IGFBP5: variants seen among roughly 807,000 people sequenced by gnomAD.
IGFBP5 encodes insulin like growth factor binding protein 5.
Under a neutral mutation model 28.0 loss-of-function variants are expected in IGFBP5, and 12 were observed. That is an observed-to-expected ratio of 0.43 (90% CI 0.27 to 0.69). The LOEUF is 0.69. Among genes scored for constraint, IGFBP5 ranks in the 30% least tolerant of loss-of-function variants. The pLI is 0.20. For synonymous variants in IGFBP5, 152 were observed against 150.2 expected, an observed-to-expected ratio of 1.01 and a Z score of -0.09; for missense variants, 344 against 381.6, an observed-to-expected ratio of 0.90 and a Z score of 0.82.
At chr2:216,678,058 G>A in intron 3 of IGFBP5, 54 bp downstream of exon 3, 2 of 1,364,778 alleles carry the variant, frequency 1.5e-6, no homozygotes, top group Non-Finnish European at 1.9e-6. Flanking sequence ...GAGTTTCCTG[G>A]CAGGTGCCAT....
intron 1 of IGFBP5, among the ~76,000 whole-genome samples, chr2:216,685,238 G>A (rs1362633060): frequency 2.7e-5 from 4 of 149,680 alleles, no homozygotes; most frequent in African/African-American, 9.9e-5. Flanking sequence ...CCAAGATCGT[G>A]CCACTACATT....
chr2:216,676,924 C>T, intron 3 of IGFBP5, 42 bp from the exon 4 acceptor site: 1 of 1,605,898 alleles, frequency 6.2e-7, no homozygotes, highest in Non-Finnish European at 8.5e-7. Flanking sequence ...CGGCCGCACC[C>T]CAGGGCTCTG....
At chr2:216,685,807 C>A (rs771703738) in intron 1 of IGFBP5, among the ~76,000 whole-genome samples, 4 of 152,132 alleles carry the variant, frequency 2.6e-5, no homozygotes, top group Non-Finnish European at 4.4e-5. Flanking sequence ...AACATCATTT[C>A]TTTTCCTACC....
intron 1 of IGFBP5, among the ~76,000 whole-genome samples, chr2:216,693,695 AC>A (rs1021265572): frequency 6.7e-6 from 1 of 148,484 alleles, no homozygotes; most frequent in African/African-American, 2.5e-5. Context: ...CCCACCCCGC[AC>A]CCCCGCACTC....
At chr2:216,677,185 TGCCTCA>T (rs971165193) in intron 3 of IGFBP5, among the ~76,000 whole-genome samples, 2 of 152,062 alleles carry the variant, frequency 1.3e-5, no homozygotes, top group Middle Eastern at 3.2e-3. Flanking sequence ...GTGATCTTCC[TGCCTCA>T]GCCTCTGGAG....
At chr2:216,690,083 C>T (rs188623034) in intron 1 of IGFBP5, among the ~76,000 whole-genome samples, 51 of 152,200 alleles carry the variant, frequency 3.4e-4, no homozygotes, top group East Asian at 1.7e-3. Context: ...GGAGTAGAAG[C>T]CTACACTGCC....
At position 216,678,887 on chromosome 2, in the gene IGFBP5, A is replaced by G; in HGVS notation, c.530T>C (p.Ile177Thr). ...CTGTCTCATCTCAGGTGCAGAGATG[A>G]TCCGGGGGTGGGCAGTGTTCTCGGC... ...GGAENTAHPRIISAPEMRQES... is the reference protein window; with the variant it reads ...GGAENTAHPRTISAPEMRQES... The change falls in exon 2 of 4, where the codon ATC (isoleucine) becomes ACC (threonine). Residue 177 changes from isoleucine (I) to threonine (T), a missense_variant. Physicochemically the swap from Ile to Thr is moderately conservative, Grantham distance 89. Coordinates refer to ENST00000233813, the MANE Select transcript of IGFBP5 (RefSeq NM_000599.4). 1 of 1,614,140 alleles carries G rather than the reference A, an allele frequency of 6.2e-7. No homozygotes were observed. Among genetic ancestry groups the G allele is most frequent in the South Asian group, 1.1e-5 (1 of 91,070 alleles).
chr2:216,685,271 A>C (rs940873612), intron 1 of IGFBP5, among the ~76,000 whole-genome samples: 56 of 117,836 alleles, frequency 4.8e-4, no homozygotes, highest in Non-Finnish European at 6.6e-4. Flanking sequence ...ATAGTGTGAC[A>C]AAAAAAAAAA....
intron 1 of IGFBP5, among the ~76,000 whole-genome samples, chr2:216,681,513 C>G (rs1034940535): frequency 1.3e-5 from 2 of 152,138 alleles, no homozygotes; most frequent in Non-Finnish European, 2.9e-5. Flanking sequence ...GGGGAGACAG[C>G]CTGGGAAGCT....
At position 216,692,090 on chromosome 2, in the gene IGFBP5, T is replaced by C. The variant is rs866705057; in HGVS notation, c.337+2349A>G. Among the ~76,000 whole-genome samples the C allele has an allele frequency of 6.6e-6, 1 of 152,102 alleles. No homozygotes were observed. Among genetic ancestry groups the C allele is most frequent in the Non-Finnish European group, 1.5e-5 (1 of 68,016 alleles). ...AACTTTTTGGGGACCCGCCCAGTGG[T>C]TGTCCGGCTAAAACGCCCTTTCCAG... On this transcript the variant is annotated intron_variant, in intron 1 of 3. Coordinates refer to ENST00000233813, the MANE Select transcript of IGFBP5 (RefSeq NM_000599.4). The surrounding 1 kb of genome is among the most constrained non-coding windows in gnomAD (Gnocchi z 4.2).
At position 216,676,719 on chromosome 2, in the gene IGFBP5, A is replaced by T; in HGVS notation, c.*32T>A. 1 of 1,011,222 alleles carries T rather than the reference A, an allele frequency of 9.9e-7. No individual in the cohort carries two copies. The highest frequency in any genetic ancestry group is 1.3e-6 in the Non-Finnish European group (1 of 776,272). The allele number at this position is 1,011,222 out of a possible 1,614,324, so 62.6% of individuals were successfully genotyped here. A position where few individuals can be genotyped will look rare whatever the true frequency, so the allele number is the denominator to read the frequency against. ...GGCTGGAGTCGGGGCTGGGGGTGGG[A>T]GGGGGTGAGGGAAAGGTTGGGGGGG... On this transcript the variant is annotated 3_prime_UTR_variant, in exon 4 of 4. Transcript: ENST00000233813.
At position 216,673,043 on chromosome 2, in the gene IGFBP5, T is replaced by G. The variant is rs2106214381; in HGVS notation, c.*3708A>C. 1 of 152,652 alleles carries G rather than the reference T, an allele frequency of 6.6e-6. No homozygotes were observed. The highest frequency in any genetic ancestry group is 2.4e-5 in the African/African-American group (1 of 41,572). The allele number at this position is 152,652 out of a possible 1,614,324, so 9.5% of individuals were successfully genotyped here. The stretch of plus-strand genomic sequence containing the variant: ...ACATATCCTCTCTGACGCTATGGGG[T>G]TTCTTCTCCTTAGAGCTCTTCTCTG... On this transcript the variant is annotated 3_prime_UTR_variant, in exon 4 of 4. Transcript: ENST00000233813. The surrounding 1 kb of genome is among the most constrained non-coding windows in gnomAD (Gnocchi z 4.3).
At chr2:216,684,050 A>G (rs2106221177) in intron 1 of IGFBP5, among the ~76,000 whole-genome samples, 1 of 152,226 alleles carries the variant, frequency 6.6e-6, no homozygotes, top group East Asian at 1.9e-4. Flanking sequence ...ACCATCCTCT[A>G]TGTCCTGGCA....
In IGFBP5 at chr2:216,678,228, G is replaced by A; in HGVS notation, c.571C>T (p.Pro191Ser). 1.3e-6 allele frequency: 2 copies of A among 1,563,968 alleles called. No homozygotes were observed. The highest frequency in any genetic ancestry group is 1.8e-5 in the Admixed American group (1 of 54,468). The change falls in exon 3 of 4, where the codon CCC becomes TCC. Residue 191 changes from proline (P) to serine (S), a missense_variant. Pro to Ser is a moderately conservative substitution (Grantham distance 74, BLOSUM62 -1). Transcript: ENST00000233813. ...GAAGCCTCCATGTGTCTGCGGCAGG[G>A]GCCCTGTGTGGACAGGAGGGTGAGA... is the stretch of plus-strand genomic sequence containing the variant. ...PEMRQESEQGPCRRHMEASLQ... is the reference protein window; with the variant it reads ...PEMRQESEQGSCRRHMEASLQ...
chr2:216,680,163 A>G (rs1258679558), intron 1 of IGFBP5, among the ~76,000 whole-genome samples: 1 of 152,072 alleles, frequency 6.6e-6, no homozygotes, highest in Non-Finnish European at 1.5e-5. Context: ...GATGCCTCAC[A>G]GTGGGACCAG....
In IGFBP5 at chr2:216,694,620, G is replaced by T. The variant is rs1689145184; in HGVS notation, c.156C>A (p.Gly52=). 1.3e-6 allele frequency: 2 copies of T among 1,539,144 alleles called. No individual in the cohort carries two copies. ...GGGCGCAGGTCATGCAGCAGCCGCA[G>T]CCCGGCTCCTTGACCAGCTCGCAGC... The part of the protein sequence containing the change: ...PLGCELVKEP[G]CGCCMTCALA... The change falls in exon 1 of 4, where the codon GGC becomes GGA. Residue 52 remains glycine (G), a synonymous_variant. Transcript: ENST00000233813. The surrounding 1 kb of genome is among the most constrained non-coding windows in gnomAD (Gnocchi z 5.2).
rs11575194 is a variant in IGFBP5, at chr2:216,679,005, G to A, written c.412C>T (p.Arg138Trp). 57,427 of 1,614,042 alleles carry A rather than the reference G, an allele frequency of 0.036. 1,253 individuals carry two copies. Among genetic ancestry groups the A allele is most frequent in the Non-Finnish European group, 0.043 (51,216 of 1,179,978 alleles). ...AEETYSPKIF[R>W]PKHTRISELK... is the part of the protein sequence containing the mutation. ...TCGGAGATGCGGGTGTGTTTGGGCC[G>A]GAAGATCTTGGGGGAGTAGGTCTCC... The change falls in exon 2 of 4, where the codon CGG becomes TGG. Residue 138 changes from arginine (R) to tryptophan (W), a missense_variant. Transcript: ENST00000233813. This position sits in a 1 kb window ranked among gnomAD's most constrained non-coding sequence, Gnocchi z 4.6.
chr2:216,689,327 C>T (rs933784018), intron 1 of IGFBP5, among the ~76,000 whole-genome samples: 1 of 152,232 alleles, frequency 6.6e-6, no homozygotes, highest in African/African-American at 2.4e-5. Flanking sequence ...CCCTCCTTCA[C>T]ACCCTCTTGG....
chr2:216,682,501 A>G (rs1462107306), intron 1 of IGFBP5, among the ~76,000 whole-genome samples: 1 of 152,178 alleles, frequency 6.6e-6, no homozygotes, highest in Non-Finnish European at 1.5e-5. Flanking sequence ...CATCAAGAGA[A>G]AATGAACTGA....
Sources: gnomAD v4.1 joint callset for allele counts (sites outside exome capture counted in the v4.1 genomes callset) on GRCh38, gnomAD v4.1.1 for gene constraint, Gnocchi (gnomAD v3.1) non-coding constraint, MANE v1.5 for transcripts, NCBI Gene and HGNC (gene_info 2026-07-23, HGNC 2026-07-21) for gene names.